PCDHGA2: variants seen among roughly 807,000 people sequenced by gnomAD.
PCDHGA2 encodes the protein protocadherin gamma subfamily A, 2.
Under a neutral mutation model 59.2 loss-of-function variants are expected in PCDHGA2, and 40 were observed. The observed-to-expected ratio is 0.68, with a 90% confidence interval of 0.52 to 0.88. PCDHGA2 has a LOEUF of 0.88. PCDHGA2 is among the 40% of genes least tolerant of loss of function. The pLI is 0.00. For missense variants in PCDHGA2, 1,226 were observed against 1,204.0 expected, an observed-to-expected ratio of 1.02 and a Z score of -0.27; for synonymous variants, 560 against 526.0, an observed-to-expected ratio of 1.06 and a Z score of -0.89.
At chr5:141,434,535 A>G (rs939961995) in intron 1 of PCDHGA2, among the ~76,000 whole-genome samples, 1 of 152,230 alleles carries the variant, frequency 6.6e-6, no homozygotes, top group African/African-American at 2.4e-5. Flanking sequence ...ACCACAAACA[A>G]TAGCATGAGT....
At position 141,470,884 on chromosome 5, in the gene PCDHGA2, G is replaced by T. The variant is rs2099243316; in HGVS notation, c.2425-23923G>T. 3.3e-5 allele frequency among the ~76,000 whole-genome samples: 5 copies of T among 151,648 alleles called. No individual in the cohort carries two copies. In the South Asian group the frequency reaches 1.0e-3, roughly 32 times the overall value. On this transcript the variant is annotated intron_variant, in intron 1 of 3. Coordinates refer to ENST00000394576, the MANE Select transcript of PCDHGA2 (RefSeq NM_018915.4). ...TTTGTTTGTTTGTTTTTTTGTTTTT[G>T]TTTTTGTTTTTTGTAGAGATGGGAC...
rs560197175 is a variant in PCDHGA2, at chr5:141,434,430, G to A, written c.2425-60377G>A. Among the ~76,000 whole-genome samples the A allele has an allele frequency of 2.4e-4, 36 of 152,326 alleles. 1 individual carries two copies. In the South Asian group the frequency reaches 6.4e-3, roughly 27 times the overall value. On this transcript the variant is annotated intron_variant, in intron 1 of 3. Coordinates refer to ENST00000394576, the MANE Select transcript of PCDHGA2 (RefSeq NM_018915.4). ...GCACTGTGACATGTTCATGATGGCC[G>A]TAATGCCCATGCTGGAAGGTAGTGG...
rs569451436 is a variant in PCDHGA2, at chr5:141,389,774, A to G, written c.2424+48379A>G. The G allele has an allele frequency of 2.5e-6, 4 of 1,613,170 alleles. No individual in the cohort carries two copies. The African/African-American group carries it at 5.3e-5, about 21-fold the overall frequency. On this transcript the variant is annotated intron_variant, in intron 1 of 3. Transcript: ENST00000394576. ...GCGAAGTGCGCACAGCGCGTGCCTTAGGCGACAGGGACGCCGTCCGCCAGC... is the reference window on the plus strand; with the variant it reads ...GCGAAGTGCGCACAGCGCGTGCCTTGGGCGACAGGGACGCCGTCCGCCAGC...
chr5:141,350,415 T>C, intron 1 of PCDHGA2: 2 of 1,605,958 alleles, frequency 1.2e-6, no homozygotes, highest in Non-Finnish European at 1.7e-6. Context: ...GCCAAGGATC[T>C]GGGGCTCAGT....
chr5:141,345,583 T>A, intron 1 of PCDHGA2: 1 of 1,614,204 alleles, frequency 6.2e-7, no homozygotes, highest in Non-Finnish European at 8.5e-7. Flanking sequence ...CTATACGCGC[T>A]GAGATCCTTC....
In PCDHGA2 at chr5:141,486,936, A is replaced by G; in HGVS notation, c.2425-7871A>G. 2 of 1,614,184 alleles carry G rather than the reference A, an allele frequency of 1.2e-6. No individual in the cohort carries two copies. Among genetic ancestry groups the G allele is most frequent in the Non-Finnish European group, 1.7e-6 (2 of 1,180,030 alleles). On this transcript the variant is annotated intron_variant, in intron 1 of 3. Transcript: ENST00000394576. This position sits in a 1 kb window ranked among gnomAD's most constrained non-coding sequence, Gnocchi z 5.0. ...CTGCCTCCATCAGTTGGTGCTGGCC[A>G]CCTAATCACAAAGGTGACTGCTGTG...
intron 1 of PCDHGA2, chr5:141,395,094 G>A (rs192995605): frequency 6.2e-7 from 1 of 1,614,160 alleles, no homozygotes; most frequent in African/African-American, 1.3e-5. Flanking sequence ...CTCCCTCACC[G>A]CCGACTCGCG....
intron 1 of PCDHGA2, among the ~76,000 whole-genome samples, chr5:141,444,029 A>T (rs977610555): frequency 2.6e-5 from 4 of 152,164 alleles, no homozygotes; most frequent in African/African-American, 9.7e-5. Flanking sequence ...AAAGGAATTC[A>T]GTAAATCAGA....
chr5:141,355,317 G>A (rs762569662), intron 1 of PCDHGA2: 4 of 1,613,882 alleles, frequency 2.5e-6, no homozygotes, highest in Non-Finnish European at 2.5e-6. Context: ...TTGAGGAGCA[G>A]GAAGAAGGCT....
intron 1 of PCDHGA2, chr5:141,414,258 TG>T: frequency 6.2e-7 from 1 of 1,613,492 alleles, no homozygotes; most frequent in Non-Finnish European, 8.5e-7. Flanking sequence ...GTCCAGTGAC[TG>T]AAGATTCACC....
Position 141,339,494 on chromosome 5 carries a change from A to AAT in PCDHGA2, c.524_525dup (p.Asp176MetfsTer56). ...CCTTCAGAAGTACGCACTCAACCCA[A>AAT]ATGACCACTTCTCCCTGGACGTGCG... is the stretch of plus-strand genomic sequence containing the variant. On this transcript the variant is annotated frameshift_variant, in exon 1 of 4. Transcript: ENST00000394576. LOFTEE classifies it high-confidence loss of function. The AAT allele has an allele frequency of 6.2e-7, 1 of 1,614,110 alleles. No individual in the cohort carries two copies. Among genetic ancestry groups the AAT allele is most frequent in the Non-Finnish European group, 8.5e-7 (1 of 1,180,010 alleles).
rs1260935778 is a variant in PCDHGA2 at position 141,360,689 on chromosome 5, C to T, written c.2424+19294C>T. ...TACTTTGATCTCGCTGAGAAACAGA[C>T]TCCAGATGGTCGTAAATATCCTGAG... On this transcript the variant is annotated intron_variant, in intron 1 of 3. Transcript: ENST00000394576. 3 of 1,613,874 alleles carry T rather than the reference C, an allele frequency of 1.9e-6. No homozygotes were observed. The African/African-American group carries it at 4.0e-5, about 22-fold the overall frequency.
chr5:141,393,484 G>A, intron 1 of PCDHGA2: 1 of 1,614,058 alleles, frequency 6.2e-7, no homozygotes, highest in Non-Finnish European at 8.5e-7. Context: ...CCTCGCTCTA[G>A]CACAGTGCGC....
chr5:141,418,730 G>GT, intron 1 of PCDHGA2: 1 of 1,613,952 alleles, frequency 6.2e-7, no homozygotes, highest in Non-Finnish European at 8.5e-7. Context: ...AGCTCAGCAC[G>GT]TGTTCTCTCT....
chr5:141,400,254 G>C, intron 1 of PCDHGA2: 1 of 1,613,980 alleles, frequency 6.2e-7, no homozygotes. Flanking sequence ...CCGTTGCCTT[G>C]CGCCTGCGAC....
chr5:141,339,288 T>G lies in PCDHGA2; in HGVS notation c.317T>G (p.Phe106Cys), dbSNP rs1756824225. ...CAQSAPCLLNFNILLEDKLTI... is the reference protein window; with the variant it reads ...CAQSAPCLLNCNILLEDKLTI... ...CAGAGCGCACCCTGTCTGTTGAATT[T>G]TAACATTCTGCTGGAGGATAAATTG... The change falls in exon 1 of 4, where the codon TTT (phenylalanine) becomes TGT (cysteine). Residue 106 changes from phenylalanine to cysteine, a missense_variant. Phe to Cys is a radical substitution (Grantham distance 205). Coordinates refer to ENST00000394576, the MANE Select transcript of PCDHGA2 (RefSeq NM_018915.4). 4 of 1,614,258 alleles carry G rather than the reference T, an allele frequency of 2.5e-6. No homozygotes were observed. In the East Asian group the frequency reaches 6.7e-5, roughly 27 times the overall value.
intron 1 of PCDHGA2, chr5:141,439,735 G>A (rs1317592646): frequency 1.3e-5 from 2 of 152,360 alleles, no homozygotes; most frequent in Non-Finnish European, 2.9e-5. Flanking sequence ...AGCAGGAACG[G>A]AACGGATTTA....
intron 1 of PCDHGA2, among the ~76,000 whole-genome samples, chr5:141,464,901 G>A (rs1562002452): frequency 6.6e-6 from 1 of 151,916 alleles, no homozygotes; most frequent in Non-Finnish European, 1.5e-5. Context: ...ACCATGTCCA[G>A]CTAATTTTTT....
At position 141,340,123 on chromosome 5, in the gene PCDHGA2, T is replaced by C. The variant is rs571663322; in HGVS notation, c.1152T>C (p.Cys384=). The part of the protein sequence containing the change: ...RDSGQNAFTT[C]SLPEDLPFKL... Reference sequence around the variant, plus strand: ...CTGGGCAGAACGCATTCACCACCTGTTCACTCCCCGAGGATCTTCCTTTTA... The same window carrying C: ...CTGGGCAGAACGCATTCACCACCTGCTCACTCCCCGAGGATCTTCCTTTTA... The change falls in exon 1 of 4, where the codon TGT becomes TGC. Residue 384 remains cysteine, a synonymous_variant. Coordinates refer to ENST00000394576, the MANE Select transcript of PCDHGA2 (RefSeq NM_018915.4). The C allele has an allele frequency of 3.7e-6, 6 of 1,614,158 alleles. No homozygotes were observed. In the East Asian group the frequency reaches 1.3e-4, roughly 36 times the overall value.
Sources: allele counts gnomAD v4.1 joint callset (sites outside exome capture counted in the v4.1 genomes callset), GRCh38; gene constraint gnomAD v4.1.1; non-coding constraint Gnocchi (gnomAD v3.1); transcripts MANE v1.5; gene names NCBI Gene and HGNC (gene_info 2026-07-23, HGNC 2026-07-21).